The following ERC1 variants were observed in gnomAD, a reference collection of about 807,000 sequenced individuals.
The protein encoded by ERC1 is RAB6 interacting protein 2.
ERC1 carries 56 observed loss-of-function variants against 132.0 expected under a neutral mutation model. The ratio of observed to expected loss-of-function variants is 0.42; its 90% CI spans 0.34 to 0.53. The LOEUF is 0.53. Among genes scored for constraint, ERC1 ranks in the 20% least tolerant of loss-of-function variants. The probability of loss-of-function intolerance (pLI) is 0.03; values close to 1 mark genes in which losing one functional copy is unlikely to be tolerated. For missense variants in ERC1, 1,202 were observed against 1,349.9 expected (o/e 0.89, Z 1.72); for synonymous variants, 478 against 476.1 (o/e 1.00, Z -0.05).
In ERC1 at chr12:1,492,453, C is replaced by G. The variant is rs779126639; in HGVS notation, c.*2223C>G. 3.0e-5 allele frequency: 7 copies of G among 233,102 alleles called. No individual in the cohort carries two copies. Among genetic ancestry groups the G allele is most frequent in the Non-Finnish European group, 5.9e-5 (7 of 118,012 alleles). The allele number at this position is 233,102 out of a possible 1,614,324, so 14.4% of individuals were successfully genotyped here. On this transcript the variant is annotated 3_prime_UTR_variant, in exon 19 of 19. Coordinates refer to ENST00000360905, the MANE Select transcript of ERC1 (RefSeq NM_178040.4). ...CCATGCCTAAACAAGTGGTCTGGCA[C>G]GGGCACTGGCCAGCTGCTCTCTCCA...
chr12:1,142,726 A>G (rs897031004), intron 8 of ERC1, among the ~76,000 whole-genome samples: 9 of 152,222 alleles, frequency 5.9e-5, no homozygotes, highest in Non-Finnish European at 1.2e-4. Context: ...TTGTAAGTAA[A>G]GTCGAACAGA....
intron 2 of ERC1, among the ~76,000 whole-genome samples, chr12:1,063,262 T>G (rs7955743): frequency 0.14 from 5,936 of 43,560 alleles, 195 homozygotes; most frequent in African/African-American, 0.24. Context: ...ATGTATGTAT[T>G]TATTTATTTA....
chr12:1,257,184 C>G lies in ERC1; in HGVS notation c.2488-5850C>G, dbSNP rs536132644. 6.4e-4 allele frequency: 90 copies of G among 140,682 alleles called. 2 individuals are homozygous for G. The highest frequency in any genetic ancestry group is 2.4e-3 in the African/African-American group (86 of 36,068). The allele number at this position is 140,682 out of a possible 1,614,324, so 8.7% of individuals were successfully genotyped here. A position where few individuals can be genotyped will look rare whatever the true frequency, so the allele number is the denominator to read the frequency against. ...GTGTTGTAATGACACTCAAGCAGCC[C>G]GGTGGAGAGGAACAGAGGCCTCTTG... On this transcript the variant is annotated intron_variant, in intron 13 of 18. Transcript: ENST00000360905.
chr12:1,134,504 A>G (rs1024459129), intron 7 of ERC1, among the ~76,000 whole-genome samples: 1 of 151,842 alleles, frequency 6.6e-6, no homozygotes, highest in African/African-American at 2.4e-5. Context: ...GTGCCACCAC[A>G]CTTGGCTAAT....
chr12:1,010,784 A>T (rs1177340731), intron 1 of ERC1, among the ~76,000 whole-genome samples: 2 of 152,054 alleles, frequency 1.3e-5, no homozygotes, highest in Non-Finnish European at 2.9e-5. Context: ...AAGTGCTGGG[A>T]TTACCGAACC....
chr12:1,129,005 G>A (rs1031601486), intron 7 of ERC1, among the ~76,000 whole-genome samples: 1 of 152,162 alleles, frequency 6.6e-6, no homozygotes, highest in African/African-American at 2.4e-5. Flanking sequence ...CAACTTATAT[G>A]TAGGAGTTTC....
chr12:1,456,941 C>G (rs2093550495), intron 18 of ERC1, among the ~76,000 whole-genome samples: 1 of 152,128 alleles, frequency 6.6e-6, no homozygotes, highest in Non-Finnish European at 1.5e-5. Context: ...CAGGCATTGT[C>G]AGAGATTTAA....
chr12:1,154,855 G>A (rs1951216296), intron 8 of ERC1, among the ~76,000 whole-genome samples: 1 of 152,250 alleles, frequency 6.6e-6, no homozygotes, highest in Non-Finnish European at 1.5e-5. Context: ...ATGACAGTGA[G>A]ATACCACCCT....
chr12:1,074,246 G>A (rs918855556), intron 2 of ERC1, among the ~76,000 whole-genome samples: 1 of 152,070 alleles, frequency 6.6e-6, no homozygotes, highest in African/African-American at 2.4e-5. Flanking sequence ...ACGTCATGTG[G>A]TGTATATAGA....
intron 12 of ERC1, among the ~76,000 whole-genome samples, chr12:1,193,700 G>GCC (rs1955955731): frequency 6.6e-6 from 1 of 152,214 alleles, no homozygotes; most frequent in African/African-American, 2.4e-5. Context: ...AGCCAAAGCT[G>GCC]TGGTCCACAG....
chr12:1,330,668 A>G (rs1222094752), intron 15 of ERC1, among the ~76,000 whole-genome samples: 1 of 150,912 alleles, frequency 6.6e-6, no homozygotes, highest in Non-Finnish European at 1.5e-5. Flanking sequence ...TTTTATTTTT[A>G]TTCATTTACA....
At chr12:1,304,355 GAT>G (rs1237154565) in intron 15 of ERC1, among the ~76,000 whole-genome samples, 1 of 152,140 alleles carries the variant, frequency 6.6e-6, no homozygotes, top group Non-Finnish European at 1.5e-5. Context: ...CAGAAGTCCT[GAT>G]ATCCAGCCTC....
At chr12:1,009,197 CAG>C (rs1964247395) in intron 1 of ERC1, among the ~76,000 whole-genome samples, 1 of 148,662 alleles carries the variant, frequency 6.7e-6, no homozygotes, top group Non-Finnish European at 1.5e-5. Flanking sequence ...TTTTTTGAGA[CAG>C]AGTCTCTCTC....
intron 1 of ERC1, among the ~76,000 whole-genome samples, chr12:1,003,929 T>C (rs1252787911): frequency 6.6e-6 from 1 of 152,222 alleles, no homozygotes; most frequent in East Asian, 1.9e-4. Context: ...TCTAGGCTGC[T>C]GCTAAGTGGT....
intron 8 of ERC1, among the ~76,000 whole-genome samples, chr12:1,149,571 G>A (rs1364824930): frequency 1.3e-5 from 2 of 151,920 alleles, no homozygotes; most frequent in Admixed American, 1.3e-4. Flanking sequence ...CTAATTTTTT[G>A]TATTTTTTGT....
At chr12:1,217,795 T>TA (rs1402256289) in intron 12 of ERC1, among the ~76,000 whole-genome samples, 1 of 152,220 alleles carries the variant, frequency 6.6e-6, no homozygotes, top group Non-Finnish European at 1.5e-5. Flanking sequence ...GCAGTATAAT[T>TA]ACTCCCTTCT....
intron 18 of ERC1, among the ~76,000 whole-genome samples, chr12:1,448,453 A>G (rs570224419): frequency 1.3e-5 from 2 of 152,354 alleles, no homozygotes; most frequent in African/African-American, 2.4e-5. Flanking sequence ...TAGGCTGTCT[A>G]ACAATACAAA....
intron 16 of ERC1, among the ~76,000 whole-genome samples, chr12:1,391,818 G>T (rs528752385): frequency 6.6e-6 from 1 of 152,208 alleles, no homozygotes; most frequent in African/African-American, 2.4e-5. Flanking sequence ...GTGGGCTCCT[G>T]TTGAAGCTTT....
intron 15 of ERC1, among the ~76,000 whole-genome samples, chr12:1,320,747 G>A (rs774247736): frequency 2.0e-5 from 3 of 152,164 alleles, no homozygotes; most frequent in Non-Finnish European, 2.9e-5. Flanking sequence ...TGTCGCCCAG[G>A]CTGGAGTGCA....
Sources: gnomAD v4.1 joint callset for allele counts (sites outside exome capture counted in the v4.1 genomes callset) on GRCh38, gnomAD v4.1.1 for gene constraint, MANE v1.5 for transcripts, NCBI Gene and HGNC (gene_info 2026-07-23, HGNC 2026-07-21) for gene names.